The following CHD7 variants were observed in gnomAD, a reference collection of about 807,000 sequenced individuals.
CHD7 encodes the protein chromodomain helicase DNA binding protein 7.
Under a neutral mutation model 307.3 loss-of-function variants are expected in CHD7, and 24 were observed. The ratio of observed to expected loss-of-function variants is 0.08; its 90% CI spans 0.06 to 0.11. CHD7 has a LOEUF of 0.11. Ranked by LOEUF, CHD7 falls within the 10% of genes least tolerant of loss-of-function variation. CHD7 has a pLI of 1.00. For missense variants in CHD7, 3,106 were observed against 3,727.1 expected (o/e 0.83, Z 4.34); for synonymous variants, 1,363 against 1,349.9 (o/e 1.01, Z -0.21).
At chr8:60,731,011 A>T (rs1355501198) in intron 1 of CHD7, among the ~76,000 whole-genome samples, 1 of 152,100 alleles carries the variant, frequency 6.6e-6, no homozygotes, top group Non-Finnish European at 1.5e-5. Flanking sequence ...GCATACCCAC[A>T]CTGTAGATGC....
intron 3 of CHD7, among the ~76,000 whole-genome samples, chr8:60,789,483 C>T (rs974928537): frequency 6.6e-6 from 1 of 152,230 alleles, no homozygotes; most frequent in African/African-American, 2.4e-5. Flanking sequence ...CTTATCCCAT[C>T]TGAAGAGACT....
At chr8:60,703,015 T>C (rs1382000046) in intron 1 of CHD7, among the ~76,000 whole-genome samples, 1 of 152,222 alleles carries the variant, frequency 6.6e-6, no homozygotes, top group Non-Finnish European at 1.5e-5. Context: ...TGAAGTTTGC[T>C]ATTGTCTCTC....
chr8:60,853,721 G>A (rs1805583010), intron 31 of CHD7, among the ~76,000 whole-genome samples: 1 of 152,234 alleles, frequency 6.6e-6, no homozygotes, highest in Non-Finnish European at 1.5e-5. Flanking sequence ...AAGAAGGGTT[G>A]CATGGACACA....
chr8:60,692,072 G>A lies in CHD7; in HGVS notation c.-175+12990G>A, dbSNP rs371614019. Among the ~76,000 whole-genome samples the A allele has an allele frequency of 1.3e-5, 2 of 152,164 alleles. 1 individual carries two copies. The highest frequency in any genetic ancestry group is 1.3e-4 in the Admixed American group (2 of 15,278). Reference sequence around the variant, plus strand: ...CAATGTGGTTAGACCAATATGTTATGCAATGAATGTACTTTGGAAATACGA... The same window carrying A: ...CAATGTGGTTAGACCAATATGTTATACAATGAATGTACTTTGGAAATACGA... On this transcript the variant is annotated intron_variant, in intron 1 of 37. Coordinates refer to ENST00000423902, the MANE Select transcript of CHD7 (RefSeq NM_017780.4).
At chr8:60,845,530 G>A in intron 23 of CHD7, 121 bp downstream of exon 23, 1 of 1,078,734 alleles carries the variant, frequency 9.3e-7, no homozygotes, top group Non-Finnish European at 1.3e-6. Flanking sequence ...GTCAACTGAG[G>A]GACCTGAGCA....
At chr8:60,684,185 A>G (rs995430814) in intron 1 of CHD7, among the ~76,000 whole-genome samples, 3 of 152,228 alleles carry the variant, frequency 2.0e-5, no homozygotes, top group Admixed American at 6.5e-5. Context: ...TTAACTTGTC[A>G]GTAAAGGCTG....
intron 6 of CHD7, among the ~76,000 whole-genome samples, chr8:60,806,080 A>T (rs1353747899): frequency 6.6e-6 from 1 of 152,028 alleles, no homozygotes; most frequent in African/African-American, 2.4e-5. Context: ...TTAAAATGGG[A>T]GGCTGGGCGC....
chr8:60,814,320 G>A (rs10092214), intron 7 of CHD7, among the ~76,000 whole-genome samples: 57,419 of 152,140 alleles, frequency 0.38, 13,340 homozygotes, highest in South Asian at 0.5. Context: ...CTACACAGGT[G>A]GTGCTTTGAA....
In CHD7 at chr8:60,861,141, T is replaced by G. The variant is rs1179103200; in HGVS notation, c.7830+16T>G. 1 of 1,546,752 alleles carries G rather than the reference T, an allele frequency of 6.5e-7. No individual in the cohort carries two copies. Among genetic ancestry groups the G allele is most frequent in the African/African-American group, 1.4e-5 (1 of 72,982 alleles). On this transcript the variant is annotated intron_variant, in intron 35 of 37. Transcript: ENST00000423902. ...TTATGTACCAGTGAGTATTGCAGAG[T>G]TTAGAGTTGGAAGGAATCTTGCAGG... is the stretch of plus-strand genomic sequence containing the variant.
At chr8:60,723,309 A>G (rs1808000912) in intron 1 of CHD7, among the ~76,000 whole-genome samples, 1 of 152,162 alleles carries the variant, frequency 6.6e-6, no homozygotes, top group Non-Finnish European at 1.5e-5. Context: ...TCATTTTTGA[A>G]ATGTTTGCCA....
chr8:60,806,951 G>A (rs1812564501), intron 6 of CHD7, among the ~76,000 whole-genome samples: 1 of 152,114 alleles, frequency 6.6e-6, no homozygotes, highest in Non-Finnish European at 1.5e-5. Flanking sequence ...CTTGAGCCTG[G>A]GAGGTTGAGT....
intron 2 of CHD7, among the ~76,000 whole-genome samples, chr8:60,780,688 A>T (rs1207709361): frequency 2.0e-5 from 3 of 152,230 alleles, no homozygotes; most frequent in African/African-American, 7.2e-5. Flanking sequence ...TTTGCCATTC[A>T]CCATTTTCAT....
chr8:60,781,452 C>A (rs1462110715), intron 3 of CHD7, 22 bp downstream of exon 3: 1 of 1,506,756 alleles, frequency 6.6e-7, no homozygotes. Flanking sequence ...GCAGAAAAAA[C>A]AACTGCAAAA....
At chr8:60,800,550 A>G (rs1436860120) in intron 5 of CHD7, 25 bp downstream of exon 5, 1 of 1,554,864 alleles carries the variant, frequency 6.4e-7, no homozygotes, top group South Asian at 1.2e-5. Flanking sequence ...TGTGGGATTT[A>G]TGGATGCATT....
At chr8:60,803,024 T>G (rs1231277235) in intron 6 of CHD7, among the ~76,000 whole-genome samples, 2 of 152,168 alleles carry the variant, frequency 1.3e-5, no homozygotes, top group Non-Finnish European at 2.9e-5. Context: ...TCTTTGAATG[T>G]GAAGATTTCC....
intron 2 of CHD7, among the ~76,000 whole-genome samples, chr8:60,763,996 C>CT (rs1008368981): frequency 5.3e-5 from 8 of 151,388 alleles, no homozygotes; most frequent in Non-Finnish European, 7.4e-5. Flanking sequence ...TTTGTTCTTT[C>CT]TTTTTTTTTG....
intron 1 of CHD7, among the ~76,000 whole-genome samples, chr8:60,731,922 G>C (rs1261247191): frequency 1.3e-5 from 2 of 152,200 alleles, no homozygotes; most frequent in African/African-American, 4.8e-5. Flanking sequence ...ATGGGTCTTC[G>C]AAAGCCCTGG....
chr8:60,857,975 G>T (rs1014834909), intron 34 of CHD7, among the ~76,000 whole-genome samples: 15 of 152,192 alleles, frequency 9.9e-5, no homozygotes, highest in African/African-American at 3.6e-4. Flanking sequence ...TCAAAATTGG[G>T]CCGGGCATGG....
intron 1 of CHD7, among the ~76,000 whole-genome samples, chr8:60,727,975 T>C (rs188212986): frequency 9.2e-5 from 14 of 152,360 alleles, no homozygotes; most frequent in African/African-American, 2.9e-4. Context: ...AGTCTCTCTC[T>C]TGAGTATGTC....
Sources: gnomAD v4.1 joint callset for allele counts (sites outside exome capture counted in the v4.1 genomes callset) on GRCh38, gnomAD v4.1.1 for gene constraint, MANE v1.5 for transcripts, NCBI Gene and HGNC (gene_info 2026-07-23, HGNC 2026-07-21) for gene names.